The following CALN1 variants were observed in gnomAD, a reference collection of about 807,000 sequenced individuals.
CALN1 encodes the protein calcium-binding protein 8.
In CALN1, 17 loss-of-function variants were observed where a neutral mutation model predicts 30.6. The observed-to-expected ratio is 0.56, with a 90% CI of 0.38 to 0.83. The LOEUF is 0.83. CALN1 is among the 40% of genes least tolerant of loss of function. The pLI is 0.00. For missense variants in CALN1, 291 were observed against 354.9 expected (o/e 0.82, Z 1.45); for synonymous variants, 156 against 131.4 (o/e 1.19, Z -1.28).
At chr7:72,402,729 C>G (rs139887114) in intron 2 of CALN1, among the ~76,000 whole-genome samples, 1 of 152,296 alleles carries the variant, frequency 6.6e-6, no homozygotes, top group African/African-American at 2.4e-5. Context: ...CAGAGACAGA[C>G]AGGGTAGCCT....
chr7:72,012,032 T>TA (rs553387393), intron 5 of CALN1, among the ~76,000 whole-genome samples: 10 of 151,978 alleles, frequency 6.6e-5, no homozygotes, highest in Admixed American at 1.3e-4. Flanking sequence ...GTAGATTGAA[T>TA]AAAAAAAATA....
At chr7:72,429,823 C>CTA (rs1346687748) in intron 1 of CALN1, among the ~76,000 whole-genome samples, 46 of 149,684 alleles carry the variant, frequency 3.1e-4, no homozygotes, top group Admixed American at 8.7e-4. Context: ...ATGTGTGTGT[C>CTA]TATATATATA....
intron 3 of CALN1, among the ~76,000 whole-genome samples, chr7:72,255,399 C>G (rs1448797876): frequency 1.7e-5 from 1 of 59,954 alleles, no homozygotes; most frequent in African/African-American, 4.5e-5. Context: ...TTTTTCTTTT[C>G]TTTTCTTTTT....
chr7:72,272,264 T>C (rs1441629975), intron 3 of CALN1, among the ~76,000 whole-genome samples: 3 of 152,086 alleles, frequency 2.0e-5, no homozygotes, highest in African/African-American at 7.2e-5. Context: ...TATATCAGTA[T>C]AAATATTAAT....
At chr7:72,203,128 C>G (rs530375099) in intron 3 of CALN1, among the ~76,000 whole-genome samples, 19 of 152,140 alleles carry the variant, frequency 1.2e-4, no homozygotes, top group African/African-American at 4.6e-4. Flanking sequence ...TAAGTGGGAG[C>G]TGAACAATGA....
intron 5 of CALN1, among the ~76,000 whole-genome samples, chr7:71,982,359 C>T (rs1007607133): frequency 6.6e-6 from 1 of 152,180 alleles, no homozygotes; most frequent in East Asian, 1.9e-4. Context: ...ATTTGGGAGG[C>T]GGAGGCAGGT....
intron 5 of CALN1, among the ~76,000 whole-genome samples, chr7:71,992,351 AT>A (rs201415549): frequency 2.0e-5 from 3 of 151,468 alleles, no homozygotes; most frequent in South Asian, 2.1e-4. Context: ...AGACTTTCAC[AT>A]TTTTTTTTAC....
chr7:72,178,431 G>A (rs927172123), intron 3 of CALN1, among the ~76,000 whole-genome samples: 1 of 152,150 alleles, frequency 6.6e-6, no homozygotes, highest in African/African-American at 2.4e-5. Context: ...GGTGGCTCAT[G>A]TCTGTAATCC....
At chr7:72,071,719 C>A (rs1445838783) in intron 4 of CALN1, among the ~76,000 whole-genome samples, 3 of 152,120 alleles carry the variant, frequency 2.0e-5, no homozygotes, top group Admixed American at 6.5e-5. Flanking sequence ...CAAAACGTCA[C>A]AAGACATACA....
At chr7:72,430,485 T>G (rs1409435353) in intron 1 of CALN1, among the ~76,000 whole-genome samples, 1 of 152,140 alleles carries the variant, frequency 6.6e-6, no homozygotes, top group South Asian at 2.1e-4. Flanking sequence ...CTGCTTTAAG[T>G]GTTTTCTGGA....
chr7:71,816,586 T>TC (rs1788276012), intron 5 of CALN1, among the ~76,000 whole-genome samples: 1 of 152,078 alleles, frequency 6.6e-6, no homozygotes, highest in South Asian at 2.1e-4. Flanking sequence ...GAGGTTGCTG[T>TC]CATTCAGAAA....
intron 2 of CALN1, among the ~76,000 whole-genome samples, chr7:72,341,236 G>C (rs2129558785): frequency 6.6e-6 from 1 of 152,270 alleles, no homozygotes; most frequent in South Asian, 2.1e-4. Flanking sequence ...AAAGTGCCTT[G>C]GTAGGGCCAA....
At position 71,801,367 on chromosome 7, in the gene CALN1, C is replaced by A. The variant is rs145506082; in HGVS notation, c.658+8969G>T. 2.9e-3 allele frequency among the ~76,000 whole-genome samples: 429 copies of A among 149,558 alleles called. 3 individuals carry two copies. The highest frequency in any genetic ancestry group is 5.2e-3 in the Non-Finnish European group (350 of 67,142). ...AGCTGGGACTACAGGTGCCTGCCAC[C>A]ATGCCTGGTTATGTATGTATGTATG... On this transcript the variant is annotated intron_variant, in intron 6 of 6. Transcript: ENST00000395275.
chr7:71,904,648 T>C (rs1188908898), intron 5 of CALN1, among the ~76,000 whole-genome samples: 1 of 152,198 alleles, frequency 6.6e-6, no homozygotes, highest in Non-Finnish European at 1.5e-5. Context: ...AAGCTGACTA[T>C]AGTCAGTGAC....
intron 5 of CALN1, among the ~76,000 whole-genome samples, chr7:71,876,617 T>C (rs1380623869): frequency 6.6e-6 from 1 of 152,158 alleles, no homozygotes; most frequent in Non-Finnish European, 1.5e-5. Context: ...ATCTCTTACT[T>C]GGTAAGGGGG....
chr7:72,351,631 G>C (rs987407659), intron 2 of CALN1, among the ~76,000 whole-genome samples: 1 of 152,118 alleles, frequency 6.6e-6, no homozygotes. Flanking sequence ...AGTATCATTT[G>C]ATATCACACT....
At chr7:72,073,196 T>C (rs189727188) in intron 4 of CALN1, among the ~76,000 whole-genome samples, 3 of 151,594 alleles carry the variant, frequency 2.0e-5, no homozygotes, top group South Asian at 2.1e-4. Context: ...ACTTACAGAG[T>C]AGTCAAATGC....
intron 4 of CALN1, among the ~76,000 whole-genome samples, chr7:72,091,528 A>ACC (rs1188295109): frequency 7.2e-5 from 11 of 152,376 alleles, no homozygotes; most frequent in African/African-American, 2.4e-4. Flanking sequence ...TGTATAACTT[A>ACC]TATCCATAAA....
chr7:72,277,908 A>C (rs768011352), intron 3 of CALN1, among the ~76,000 whole-genome samples: 1 of 151,304 alleles, frequency 6.6e-6, no homozygotes, highest in Non-Finnish European at 1.5e-5. Flanking sequence ...ACAAACAACA[A>C]AGTATTCAAA....
Sources: gnomAD v4.1 joint callset for allele counts (sites outside exome capture counted in the v4.1 genomes callset) on GRCh38, gnomAD v4.1.1 for gene constraint, MANE v1.5 for transcripts, NCBI Gene and HGNC (gene_info 2026-07-23, HGNC 2026-07-21) for gene names.